Variants in TRHDE observed in about 807,000 individuals in gnomAD.
The protein encoded by TRHDE is thyrotropin releasing hormone degrading enzyme.
TRHDE carries 72 observed loss-of-function variants against 125.7 expected under a neutral mutation model. The ratio of observed to expected loss-of-function variants is 0.57; its 90% CI spans 0.47 to 0.70. TRHDE has a LOEUF of 0.70. Among genes scored for constraint, TRHDE ranks in the 30% least tolerant of loss-of-function variants. TRHDE has a pLI of 0.00. For missense variants in TRHDE, 1,110 were observed against 1,327.1 expected (o/e 0.84, Z 2.54); for synonymous variants, 509 against 509.1 (o/e 1.00, Z 0.00).
intron 12 of TRHDE, among the ~76,000 whole-genome samples, chr12:72,598,287 G>A (rs528612711): frequency 6.6e-6 from 1 of 152,156 alleles, no homozygotes; most frequent in South Asian, 2.1e-4. Context: ...TTTTATATTT[G>A]AAAATTGTAG....
intron 2 of TRHDE, among the ~76,000 whole-genome samples, chr12:72,312,003 A>T (rs896480373): frequency 4.6e-5 from 7 of 152,212 alleles, no homozygotes; most frequent in Non-Finnish European, 1.0e-4. Context: ...GTGGAAGCAA[A>T]GTGAACAAAC....
intron 12 of TRHDE, among the ~76,000 whole-genome samples, chr12:72,606,724 T>C (rs1466565195): frequency 6.6e-6 from 1 of 152,178 alleles, no homozygotes; most frequent in African/African-American, 2.4e-5. Context: ...ATTTCAAATA[T>C]GCACACACAC....
intron 2 of TRHDE, among the ~76,000 whole-genome samples, chr12:72,300,834 T>C (rs2135686338): frequency 6.6e-6 from 1 of 152,204 alleles, no homozygotes; most frequent in South Asian, 2.1e-4. Context: ...TTTTGATGAG[T>C]GCCTTTATTT....
chr12:72,374,292 AGT>A (rs148577049), intron 2 of TRHDE, among the ~76,000 whole-genome samples: 43,880 of 133,526 alleles, frequency 0.33, 6,558 homozygotes, highest in Admixed American at 0.37. Flanking sequence ...TAGAAGGAGA[AGT>A]GTGTGTGTGT....
chr12:72,664,131 AACT>A lies in TRHDE; in HGVS notation c.*941_*943del, dbSNP rs1240901982. ...TGAATACAAACAAAATTTTTGTATA[AACT>A]ACTATTCCAGTTCTCCTGTGTCAGT... On this transcript the variant is annotated 3_prime_UTR_variant, in exon 19 of 19. Coordinates refer to ENST00000261180, the MANE Select transcript of TRHDE (RefSeq NM_013381.3). The A allele has an allele frequency of 6.6e-6, 1 of 152,234 alleles. No homozygotes were observed. Among genetic ancestry groups the A allele is most frequent in the Non-Finnish European group, 1.5e-5 (1 of 68,016 alleles). 9.4% of individuals were successfully genotyped at this position (152,234 alleles called of 1,614,324 possible). A position where few individuals can be genotyped will look rare whatever the true frequency, so the allele number is the denominator to read the frequency against.
chr12:72,210,197 T>TCTATCTATCTAG (rs1877749567), intron 2 of TRHDE, among the ~76,000 whole-genome samples: 1 of 146,988 alleles, frequency 6.8e-6, no homozygotes, highest in Admixed American at 6.7e-5. Context: ...TATCTATCTA[T>TCTATCTATCTAG]CTATCTATCT....
At chr12:72,604,430 C>T (rs961626786) in intron 12 of TRHDE, among the ~76,000 whole-genome samples, 4 of 131,540 alleles carry the variant, frequency 3.0e-5, no homozygotes, top group African/African-American at 1.4e-4. Flanking sequence ...TAGGTTTCTG[C>T]TTCTTAATAT....
At chr12:72,653,231 T>G in intron 17 of TRHDE, 75 bp downstream of exon 17, 1 of 1,299,162 alleles carries the variant, frequency 7.7e-7, no homozygotes, top group Admixed American at 2.4e-5. Flanking sequence ...AGTTTTGTGT[T>G]AAAGCTAAGA....
chr12:72,143,398 G>A (rs1876160924), intron 2 of TRHDE, among the ~76,000 whole-genome samples: 1 of 152,144 alleles, frequency 6.6e-6, no homozygotes, highest in South Asian at 2.1e-4. Flanking sequence ...GGAGGGAAAG[G>A]CCTTCTAAGA....
At chr12:72,396,024 T>C (rs1340204030) in intron 3 of TRHDE, among the ~76,000 whole-genome samples, 1 of 152,148 alleles carries the variant, frequency 6.6e-6, no homozygotes, top group Non-Finnish European at 1.5e-5. Flanking sequence ...ATGCCATGTA[T>C]GAATTTTCTG....
At chr12:72,213,212 C>G (rs1024268864) in intron 2 of TRHDE, among the ~76,000 whole-genome samples, 1 of 151,922 alleles carries the variant, frequency 6.6e-6, no homozygotes, top group Admixed American at 6.6e-5. Context: ...TTGAGAGTGA[C>G]TGTTAATGGG....
chr12:72,360,891 C>T lies in TRHDE; in HGVS notation c.1189-17104C>T, dbSNP rs113657897. 3.9e-3 allele frequency among the ~76,000 whole-genome samples: 589 copies of T among 151,750 alleles called. 6 individuals carry two copies. Among genetic ancestry groups the T allele is most frequent in the African/African-American group, 0.013 (552 of 41,428 alleles). On this transcript the variant is annotated intron_variant, in intron 2 of 18. Coordinates refer to ENST00000261180, the MANE Select transcript of TRHDE (RefSeq NM_013381.3). ...TATGGAGGTTTGTTACATAGGTAAA[C>T]GTGTGCTGGGGTGGTTTGCTGCACC...
At chr12:72,207,825 A>G (rs1375290645) in intron 2 of TRHDE, among the ~76,000 whole-genome samples, 1 of 152,210 alleles carries the variant, frequency 6.6e-6, no homozygotes, top group Non-Finnish European at 1.5e-5. Context: ...ACTGTGGGAC[A>G]TCAATTTTTT....
intron 2 of TRHDE, among the ~76,000 whole-genome samples, chr12:72,125,543 A>ATGTT (rs1213522278): frequency 6.6e-6 from 1 of 152,162 alleles, no homozygotes; most frequent in African/African-American, 2.4e-5. Context: ...TATCCCTCCA[A>ATGTT]CATACACTCC....
intron 2 of TRHDE, among the ~76,000 whole-genome samples, chr12:72,165,629 C>T (rs1876728376): frequency 6.6e-6 from 1 of 151,722 alleles, no homozygotes. Context: ...TACATAGTCA[C>T]ACTTTGCTTA....
rs186292756 is a variant in TRHDE at position 72,243,331 on chromosome 12, T to C, written n.280-134664T>C. Among the ~76,000 whole-genome samples the C allele has an allele frequency of 2.6e-5, 4 of 152,348 alleles. No individual in the cohort carries two copies. In the East Asian group the frequency reaches 7.7e-4, roughly 29 times the overall value. On this transcript the variant is annotated intron_variant and non_coding_transcript_variant, in intron 2 of 4. Coordinates refer to the TRHDE transcript ENST00000548156. ...AAGTTTCTTGTTTTTAAATCTGAAC[T>C]TCAGAGAGTTCCTTCTATTGTCATC...
At chr12:72,449,723 T>C (rs946569203) in intron 3 of TRHDE, among the ~76,000 whole-genome samples, 1 of 151,948 alleles carries the variant, frequency 6.6e-6, no homozygotes, top group African/African-American at 2.4e-5. Context: ...GATTTAACTA[T>C]TGGAAAGGAT....
intron 2 of TRHDE, among the ~76,000 whole-genome samples, chr12:72,375,431 ATTAAT>A (rs1388980424): frequency 1.3e-5 from 2 of 152,186 alleles, no homozygotes; most frequent in Admixed American, 1.3e-4. Context: ...TGACAAGCAG[ATTAAT>A]TTAATTGTGT....
chr12:72,117,666 A>T (rs1277941541), intron 2 of TRHDE, among the ~76,000 whole-genome samples: 1 of 152,040 alleles, frequency 6.6e-6, no homozygotes, highest in African/African-American at 2.4e-5. Flanking sequence ...ACTGCTTTAG[A>T]TAATATGGAC....
Sources: allele counts gnomAD v4.1 joint callset (sites outside exome capture counted in the v4.1 genomes callset), GRCh38; gene constraint gnomAD v4.1.1; transcripts MANE v1.5; gene names NCBI Gene and HGNC (gene_info 2026-07-23, HGNC 2026-07-21).